Variants in ELMO1 observed in about 807,000 individuals in gnomAD.
The protein encoded by ELMO1 is engulfment and cell motility 1.
A neutral mutation model predicts 98.9 loss-of-function variants in ELMO1; 26 were observed. The observed-to-expected ratio is 0.26, with a 90% CI of 0.19 to 0.36. The LOEUF is 0.36. ELMO1 is among the 10% of genes least tolerant of loss of function. ELMO1 has a pLI of 1.00. For synonymous variants in ELMO1, 346 were observed against 346.0 expected (o/e 1.00, Z 0.00); for missense variants, 627 against 935.2 (o/e 0.67, Z 4.30).
chr7:37,162,225 G>A (rs971520074), intron 13 of ELMO1, among the ~76,000 whole-genome samples: 35 of 151,898 alleles, frequency 2.3e-4, no homozygotes, highest in African/African-American at 7.5e-4. Context: ...GACAAGGATG[G>A]TAACTCCAGG....
At chr7:36,944,165 A>C (rs988671701) in intron 16 of ELMO1, among the ~76,000 whole-genome samples, 1 of 152,194 alleles carries the variant, frequency 6.6e-6, no homozygotes, top group African/African-American at 2.4e-5. Context: ...TATTTTAAAC[A>C]TAAGGACATG....
At chr7:37,110,481 C>T (rs540026383) in intron 14 of ELMO1, among the ~76,000 whole-genome samples, 29 of 152,266 alleles carry the variant, frequency 1.9e-4, no homozygotes, top group African/African-American at 6.3e-4. Context: ...AAAACATAAA[C>T]GTTAAGTCAA....
chr7:36,935,757 T>C (rs1786473713), intron 16 of ELMO1, among the ~76,000 whole-genome samples: 1 of 152,172 alleles, frequency 6.6e-6, no homozygotes. Flanking sequence ...AAGACTACAC[T>C]ACTACTCCAA....
intron 13 of ELMO1, among the ~76,000 whole-genome samples, chr7:37,157,992 A>G (rs529692802): frequency 6.6e-6 from 1 of 152,336 alleles, no homozygotes; most frequent in South Asian, 2.1e-4. Context: ...GCCCTCAGAA[A>G]TAACACCACA....
chr7:37,100,764 A>G (rs1355378740), intron 14 of ELMO1, among the ~76,000 whole-genome samples: 2 of 152,244 alleles, frequency 1.3e-5, no homozygotes, highest in Non-Finnish European at 2.9e-5. Flanking sequence ...CACAGGCCAC[A>G]CGAAGGACAG....
chr7:37,440,396 C>T (rs998071463), intron 1 of ELMO1, among the ~76,000 whole-genome samples: 2 of 149,886 alleles, frequency 1.3e-5, no homozygotes, highest in Non-Finnish European at 3.0e-5. Flanking sequence ...GAGCCACGAT[C>T]GTGCCACTGC....
intron 4 of ELMO1, among the ~76,000 whole-genome samples, chr7:37,292,709 C>CA (rs1797776796): frequency 8.7e-5 from 5 of 57,748 alleles, no homozygotes; most frequent in Admixed American, 1.8e-4. Flanking sequence ...CGTCTCCGCC[C>CA]GGCAGCCGCC....
chr7:37,277,809 T>C (rs907503626), intron 4 of ELMO1, among the ~76,000 whole-genome samples: 1 of 152,240 alleles, frequency 6.6e-6, no homozygotes, highest in Non-Finnish European at 1.5e-5. Flanking sequence ...TTCCAATGTC[T>C]GCAATAACAG....
At chr7:37,305,601 CTG>C (rs1224744249) in intron 4 of ELMO1, among the ~76,000 whole-genome samples, 6 of 152,224 alleles carry the variant, frequency 3.9e-5, no homozygotes, top group Non-Finnish European at 5.9e-5. Flanking sequence ...AATTTCTCCA[CTG>C]TGAATAATCT....
chr7:37,244,639 T>C (rs1273584908), intron 6 of ELMO1, among the ~76,000 whole-genome samples: 2 of 152,154 alleles, frequency 1.3e-5, no homozygotes, highest in African/African-American at 4.8e-5. Context: ...TGCTTATGAG[T>C]AAAGGCATCC....
intron 2 of ELMO1, among the ~76,000 whole-genome samples, chr7:37,339,375 T>C (rs1167185982): frequency 6.6e-6 from 1 of 152,210 alleles, no homozygotes; most frequent in Non-Finnish European, 1.5e-5. Flanking sequence ...TACAATGTGA[T>C]AAGTGGAGGG....
chr7:37,153,746 G>A (rs531913432), intron 13 of ELMO1, among the ~76,000 whole-genome samples: 1 of 152,322 alleles, frequency 6.6e-6, no homozygotes, highest in East Asian at 1.9e-4. Flanking sequence ...ACAAAAGGCA[G>A]CAGACATCTT....
At chr7:37,147,560 T>C (rs1317014640) in intron 13 of ELMO1, among the ~76,000 whole-genome samples, 1 of 152,176 alleles carries the variant, frequency 6.6e-6, no homozygotes, top group Admixed American at 6.5e-5. Context: ...GTTCAATTTA[T>C]CAACTAAGAG....
At chr7:37,436,761 GCTT>G (rs1805167362) in intron 1 of ELMO1, among the ~76,000 whole-genome samples, 2 of 152,202 alleles carry the variant, frequency 1.3e-5, no homozygotes, top group Admixed American at 6.5e-5. Flanking sequence ...GAAGCAGGTG[GCTT>G]CCACTTAGGT....
intron 13 of ELMO1, among the ~76,000 whole-genome samples, chr7:37,159,759 G>C (rs569912523): frequency 3.5e-4 from 54 of 152,238 alleles, no homozygotes; most frequent in African/African-American, 1.2e-3. Flanking sequence ...CATGAAAGGA[G>C]AAAGGGAGGA....
chr7:37,052,781 T>C (rs1050884998), intron 15 of ELMO1, among the ~76,000 whole-genome samples: 4 of 152,186 alleles, frequency 2.6e-5, no homozygotes, highest in African/African-American at 9.6e-5. Context: ...GCAACCTGAA[T>C]TGCTGCAGGG....
intron 16 of ELMO1, among the ~76,000 whole-genome samples, chr7:36,963,375 TCAAA>T (rs1459157220): frequency 2.2e-5 from 3 of 139,316 alleles, no homozygotes; most frequent in East Asian, 2.1e-4. Flanking sequence ...AGACTCCATC[TCAAA>T]TAAATAAATA....
At chr7:37,283,896 C>A (rs764072543) in intron 4 of ELMO1, among the ~76,000 whole-genome samples, 4 of 152,206 alleles carry the variant, frequency 2.6e-5, no homozygotes, top group Non-Finnish European at 5.9e-5. Context: ...CCCTGGGGGA[C>A]AAGCAATGCC....
At chr7:37,337,200 C>T (rs1317354558) in intron 2 of ELMO1, among the ~76,000 whole-genome samples, 2 of 152,288 alleles carry the variant, frequency 1.3e-5, no homozygotes, top group Admixed American at 6.5e-5. Flanking sequence ...CACATATACA[C>T]CATGGAATAC....
Sources: allele counts gnomAD v4.1 joint callset (sites outside exome capture counted in the v4.1 genomes callset), GRCh38; gene constraint gnomAD v4.1.1; transcripts MANE v1.5; gene names NCBI Gene and HGNC (gene_info 2026-07-23, HGNC 2026-07-21).